The following ADCY2 variants were observed in gnomAD, a reference collection of about 807,000 sequenced individuals.
The protein encoded by ADCY2 is adenylate cyclase 2.
A neutral mutation model predicts 125.2 loss-of-function variants in ADCY2; 31 were observed. The ratio of observed to expected loss-of-function variants is 0.25; its 90% CI spans 0.19 to 0.33. The LOEUF (loss-of-function observed/expected upper bound fraction) is 0.33, where lower values mean the gene tolerates loss of function less well. Among genes scored for constraint, ADCY2 ranks in the 10% least tolerant of loss-of-function variants. ADCY2 has a pLI of 1.00. For synonymous variants in ADCY2, 512 were observed against 548.4 expected (o/e 0.93, Z 0.93); for missense variants, 904 against 1,418.2 (o/e 0.64, Z 5.82).
intron 2 of ADCY2, among the ~76,000 whole-genome samples, chr5:7,429,906 T>A (rs73044514): frequency 0.019 from 2,961 of 152,164 alleles, 89 homozygotes; most frequent in African/African-American, 0.068. Context: ...AGGAAAACAA[T>A]AATCAGTGAA....
intron 18 of ADCY2, 43 bp from the exon 19 acceptor site, chr5:7,784,321 GT>G (rs768375989): frequency 7.0e-7 from 1 of 1,419,736 alleles, no homozygotes; most frequent in Non-Finnish European, 1.0e-6. Context: ...TATGCGTGTT[GT>G]TTTGTTGCAT....
At chr5:7,794,438 C>T (rs1206520629) in intron 20 of ADCY2, 1 of 152,282 alleles carries the variant, frequency 6.6e-6, no homozygotes, top group Non-Finnish European at 1.5e-5. Flanking sequence ...GTTGCGGGAA[C>T]AGTGAGTGTG....
chr5:7,488,077 C>T (rs1743009215), intron 2 of ADCY2, among the ~76,000 whole-genome samples: 1 of 152,100 alleles, frequency 6.6e-6, no homozygotes, highest in Admixed American at 6.5e-5. Context: ...TTGGCTGTGT[C>T]CCCACCCAAA....
intron 3 of ADCY2, among the ~76,000 whole-genome samples, chr5:7,589,466 G>GAAAGAAAGAAA (rs1554022181): frequency 2.5e-5 from 1 of 39,854 alleles, no homozygotes; most frequent in Admixed American, 3.8e-4. Context: ...GAAAAAGAAA[G>GAAAGAAAGAAA]AAAGAAAGAA....
At chr5:7,814,476 C>T (rs1745042878) in intron 22 of ADCY2, among the ~76,000 whole-genome samples, 1 of 150,160 alleles carries the variant, frequency 6.7e-6, no homozygotes, top group Non-Finnish European at 1.5e-5. Flanking sequence ...CAGGACAGCC[C>T]GCAAAGCAGA....
intron 6 of ADCY2, among the ~76,000 whole-genome samples, chr5:7,697,344 T>C (rs1031953901): frequency 2.0e-5 from 3 of 152,162 alleles, no homozygotes; most frequent in African/African-American, 7.2e-5. Context: ...GGTTTATCCA[T>C]CATTGGTCAG....
chr5:7,681,988 A>G (rs563193397), intron 4 of ADCY2, among the ~76,000 whole-genome samples: 88 of 152,172 alleles, frequency 5.8e-4, no homozygotes, highest in African/African-American at 2.1e-3. Flanking sequence ...CTTTCCTCCC[A>G]CTGGTTCTAA....
At chr5:7,653,620 C>T (rs1045440920) in intron 4 of ADCY2, among the ~76,000 whole-genome samples, 2 of 149,790 alleles carry the variant, frequency 1.3e-5, no homozygotes, top group Admixed American at 6.7e-5. Context: ...AAAAAAAAAA[C>T]GTGAAGAATT....
At chr5:7,700,550 C>T (rs1741044476) in intron 7 of ADCY2, among the ~76,000 whole-genome samples, 1 of 149,502 alleles carries the variant, frequency 6.7e-6, no homozygotes, top group African/African-American at 2.5e-5. Context: ...GCTTAATGTT[C>T]TCATTCCTTG....
At chr5:7,624,171 C>T (rs1368044135) in intron 3 of ADCY2, among the ~76,000 whole-genome samples, 2 of 152,154 alleles carry the variant, frequency 1.3e-5, no homozygotes, top group Non-Finnish European at 2.9e-5. Context: ...TAACTCTGTC[C>T]TCTTTTTTCT....
At chr5:7,433,724 A>G (rs73044519) in intron 2 of ADCY2, among the ~76,000 whole-genome samples, 7,750 of 152,240 alleles carry the variant, frequency 0.051, 680 homozygotes, top group African/African-American at 0.18. Flanking sequence ...TGGCCTAGAT[A>G]CAAATAAAGA....
chr5:7,767,532 T>C (rs1017016171), intron 17 of ADCY2, among the ~76,000 whole-genome samples: 5 of 152,216 alleles, frequency 3.3e-5, no homozygotes, highest in African/African-American at 1.2e-4. Context: ...CTAAGGGAAC[T>C]ATTTTGGGGA....
chr5:7,470,985 A>T (rs1315239782), intron 2 of ADCY2, among the ~76,000 whole-genome samples: 1 of 151,882 alleles, frequency 6.6e-6, no homozygotes, highest in Non-Finnish European at 1.5e-5. Context: ...TGCCTTCTTC[A>T]TGAATTTGCT....
chr5:7,504,599 T>A (rs1256460696), intron 2 of ADCY2, among the ~76,000 whole-genome samples: 1 of 151,518 alleles, frequency 6.6e-6, no homozygotes, highest in Non-Finnish European at 1.5e-5. Flanking sequence ...TCTTTCTCTC[T>A]CTCTTTCTTT....
At chr5:7,719,760 T>C (rs1741702755) in intron 12 of ADCY2, among the ~76,000 whole-genome samples, 3 of 152,190 alleles carry the variant, frequency 2.0e-5, no homozygotes, top group Admixed American at 6.5e-5. Flanking sequence ...TTAACCTTCA[T>C]TTCATTCTTA....
At chr5:7,732,877 T>A (rs1331493487) in intron 14 of ADCY2, among the ~76,000 whole-genome samples, 1 of 152,210 alleles carries the variant, frequency 6.6e-6, no homozygotes, top group Non-Finnish European at 1.5e-5. Flanking sequence ...TGAATCTGGC[T>A]CTAGTCTCAG....
intron 4 of ADCY2, among the ~76,000 whole-genome samples, chr5:7,668,851 T>C (rs1390107954): frequency 6.6e-6 from 1 of 152,188 alleles, no homozygotes; most frequent in African/African-American, 2.4e-5. Context: ...GTGATGTTGC[T>C]CAACAACTTG....
chr5:7,786,970 G>A (rs1744102410), intron 19 of ADCY2, among the ~76,000 whole-genome samples: 1 of 152,280 alleles, frequency 6.6e-6, no homozygotes, highest in Admixed American at 6.5e-5. Flanking sequence ...GCCCCAGCAG[G>A]GAGGGTCATG....
intron 4 of ADCY2, among the ~76,000 whole-genome samples, chr5:7,627,429 G>A (rs542459426): frequency 3.3e-5 from 5 of 152,312 alleles, no homozygotes; most frequent in East Asian, 3.9e-4. Context: ...GCTTCACTCC[G>A]GGTGATGGCA....
Sources: gnomAD v4.1 joint callset for allele counts (sites outside exome capture counted in the v4.1 genomes callset) on GRCh38, gnomAD v4.1.1 for gene constraint, MANE v1.5 for transcripts, NCBI Gene and HGNC (gene_info 2026-07-23, HGNC 2026-07-21) for gene names.